DYNC2H1: variants seen among roughly 807,000 people sequenced by gnomAD.
The protein encoded by DYNC2H1 is cytoplasmic dynein 2 heavy chain 1.
Under a neutral mutation model 570.0 loss-of-function variants are expected in DYNC2H1, and 410 were observed. That is an observed-to-expected ratio of 0.72 (90% CI 0.66 to 0.78). DYNC2H1 has a LOEUF of 0.78. Among genes scored for constraint, DYNC2H1 ranks in the 30% least tolerant of loss-of-function variants. The probability of loss-of-function intolerance (pLI) is 0.00; values close to 1 mark genes in which losing one functional copy is unlikely to be tolerated. For missense variants in DYNC2H1, 4,865 were observed against 5,046.4 expected (o/e 0.96, Z 1.09); for synonymous variants, 1,688 against 1,677.6 (o/e 1.01, Z -0.15).
intron 86 of DYNC2H1, 74 bp downstream of exon 86, chr11:103,455,369 C>T: frequency 8.9e-7 from 1 of 1,125,918 alleles, no homozygotes. Context: ...TCCTATTACA[C>T]TGCCCTTGAT....
rs758236375 is a variant in DYNC2H1 at position 103,191,629 on chromosome 11, G to A, written c.7540+10G>A. On this transcript the variant is annotated intron_variant, in intron 46 of 88. Transcript: ENST00000375735. ...TATGATTTAGAAGGAGGTGAGTTTTGCTAGTGTGTATCTTGTGTGTGTGTG... is the reference window on the plus strand; with the variant it reads ...TATGATTTAGAAGGAGGTGAGTTTTACTAGTGTGTATCTTGTGTGTGTGTG... 3 of 1,580,346 alleles carry A rather than the reference G, an allele frequency of 1.9e-6. No homozygotes were observed. Among genetic ancestry groups the A allele is most frequent in the Non-Finnish European group, 1.7e-6 (2 of 1,156,426 alleles).
intron 80 of DYNC2H1, among the ~76,000 whole-genome samples, chr11:103,318,614 T>C (rs1157738886): frequency 6.6e-6 from 1 of 152,142 alleles, no homozygotes; most frequent in Non-Finnish European, 1.5e-5. Flanking sequence ...TATATAGATA[T>C]ATTTCTGTTG....
intron 83 of DYNC2H1, among the ~76,000 whole-genome samples, chr11:103,360,157 G>A (rs992311663): frequency 1.3e-5 from 2 of 151,796 alleles, no homozygotes; most frequent in South Asian, 2.1e-4. Context: ...TTGCTCAAAG[G>A]TTTCATTTTA....
In DYNC2H1 at chr11:103,326,645, A is replaced by G. The variant is rs761943810; in HGVS notation, c.12039+2655A>G. On this transcript the variant is annotated intron_variant, in intron 82 of 88. Coordinates refer to ENST00000375735, the MANE Select transcript of DYNC2H1 (RefSeq NM_001377.3). The surrounding 1 kb of genome is among the most constrained non-coding windows in gnomAD (Gnocchi z 6.1). ...AGTGCCCCTAGGTTACTTGGAAAAT[A>G]CTCAGATAGTGCGGAGCACTCAGGC... Among the ~76,000 whole-genome samples, 2 of 152,118 alleles carry G rather than the reference A, an allele frequency of 1.3e-5. No individual in the cohort carries two copies. Among genetic ancestry groups the G allele is most frequent in the African/African-American group, 2.4e-5 (1 of 41,412 alleles).
Position 103,323,981 on chromosome 11 carries a change from C to A in DYNC2H1, c.12030C>A (p.Ile4010=), listed in dbSNP as rs755670853. The change falls in exon 82 of 89, where the codon ATC becomes ATA. Residue 4010 remains isoleucine (I), a synonymous_variant. Coordinates refer to ENST00000375735, the MANE Select transcript of DYNC2H1 (RefSeq NM_001377.3). The stretch of plus-strand genomic sequence containing the variant: ...TCGCTCGCTCATCTCAGCGCATGAT[C>A]AGTTCTCAGGTAACCTAAAAAAAAG... The part of the protein sequence containing the change: ...ANIARSSQRM[I]SSQVISQLRI... The A allele has an allele frequency of 5.0e-6, 8 of 1,609,750 alleles. 1 individual carries two copies. In the South Asian group the frequency reaches 6.7e-5, roughly 13 times the overall value.
At chr11:103,219,737 G>A (rs2135146852) in intron 55 of DYNC2H1, among the ~76,000 whole-genome samples, 178 bp from the exon 56 acceptor site, 1 of 152,288 alleles carries the variant, frequency 6.6e-6, no homozygotes, top group South Asian at 2.1e-4. Flanking sequence ...AGAAAATATG[G>A]AGTAAAATAT....
intron 82 of DYNC2H1, among the ~76,000 whole-genome samples, chr11:103,344,348 G>T (rs313418): frequency 0.33 from 49,983 of 152,030 alleles, 9,698 homozygotes; most frequent in Non-Finnish European, 0.43. Context: ...TTTTCCTCCA[G>T]TCACTCCCCA....
intron 1 of DYNC2H1, among the ~76,000 whole-genome samples, chr11:103,112,509 G>A (rs186762117): frequency 2.0e-5 from 3 of 152,244 alleles, no homozygotes; most frequent in Admixed American, 2.0e-4. Flanking sequence ...AAGCAGACAT[G>A]TAATACTTTG....
intron 75 of DYNC2H1, among the ~76,000 whole-genome samples, chr11:103,301,839 A>G (rs1033184036): frequency 6.6e-6 from 1 of 151,944 alleles, no homozygotes; most frequent in Non-Finnish European, 1.5e-5. Context: ...AAGGATGTCC[A>G]TATCTGAGGT....
intron 11 of DYNC2H1, 73 bp downstream of exon 11, chr11:103,123,073 T>G (rs951030957): frequency 5.0e-6 from 6 of 1,194,406 alleles, no homozygotes; most frequent in African/African-American, 4.7e-5. Context: ...AGGGAATTAA[T>G]TATCTTTTTC....
At chr11:103,223,244 G>C (rs879929052) in intron 59 of DYNC2H1, among the ~76,000 whole-genome samples, 158 bp downstream of exon 59, 2 of 151,248 alleles carry the variant, frequency 1.3e-5, no homozygotes, top group Admixed American at 1.3e-4. Flanking sequence ...TTTAAAAACA[G>C]ATCAAAAAAA....
intron 83 of DYNC2H1, among the ~76,000 whole-genome samples, chr11:103,398,576 G>A (rs1397530462): frequency 6.6e-6 from 1 of 152,128 alleles, no homozygotes; most frequent in African/African-American, 2.4e-5. Flanking sequence ...AGTAGAATGA[G>A]GAGAAGGGAT....
At chr11:103,166,368 G>C (rs1861302659) in intron 31 of DYNC2H1, among the ~76,000 whole-genome samples, 1 of 151,948 alleles carries the variant, frequency 6.6e-6, no homozygotes, top group African/African-American at 2.4e-5. Context: ...AAAGTTATTT[G>C]AAAAAACTCG....
At chr11:103,169,006 A>G (rs779401648) in intron 32 of DYNC2H1, 46 bp downstream of exon 32, 102 of 1,472,302 alleles carry the variant, frequency 6.9e-5, no homozygotes, top group Non-Finnish European at 9.0e-5. Context: ...GAAATTATTT[A>G]CTGTAAAGAA....
intron 12 of DYNC2H1, among the ~76,000 whole-genome samples, chr11:103,128,204 T>G (rs1859091479): frequency 6.6e-6 from 1 of 152,226 alleles, no homozygotes; most frequent in African/African-American, 2.4e-5. Flanking sequence ...TTGGGATTTT[T>G]GGGTTTTATT....
At position 103,303,130 on chromosome 11, in the gene DYNC2H1, A is replaced by G; in HGVS notation, c.11133A>G (p.Lys3711=). 6.2e-7 allele frequency: 1 copy of G among 1,602,272 alleles called. No homozygotes were observed. Residue 3711 remains lysine (K), a synonymous_variant, in exon 76 of 89, where the codon AAA becomes AAG. Transcript: ENST00000375735. ...KEVSPLPLNL[K]RLYKETLEIE... ...TGTCCCCACTGCCTCTAAATCTCAA[A>G]CGTTTATACAAAGAGACACTGGAAA...
At chr11:103,381,060 T>G (rs1941624343) in intron 83 of DYNC2H1, among the ~76,000 whole-genome samples, 1 of 152,192 alleles carries the variant, frequency 6.6e-6, no homozygotes, top group African/African-American at 2.4e-5. Flanking sequence ...GGAGGTGATA[T>G]AAAAGGTTTG....
chr11:103,362,320 C>CTTTTTTTTTTTTTTTTTTTTTTTTTTT lies in DYNC2H1; in HGVS notation c.12156+3973_12156+3974insTTTTTTTTTTTTTTTTTTTTTTTTTTT, dbSNP rs879453459. Among the ~76,000 whole-genome samples the CTTTTTTTTTTTTTTTTTTTTTTTTTTT allele has an allele frequency of 7.0e-5, 5 of 71,618 alleles. 1 individual carries two copies. The highest frequency in any genetic ancestry group is 1.8e-4 in the Admixed American group (1 of 5,626). 47.0% of individuals were successfully genotyped at this position (71,618 alleles called of 152,430 possible). A position where few individuals can be genotyped will look rare whatever the true frequency, so the allele number is the denominator to read the frequency against. Reference sequence around the variant, plus strand: ...GCTTCTTAAATATATTAATTTTTTTCTTTTTTTTTTTTCTTTTTTTTTTTT... The same window carrying CTTTTTTTTTTTTTTTTTTTTTTTTTTT: ...GCTTCTTAAATATATTAATTTTTTTCTTTTTTTTTTTTTTTTTTTTTTTTTTTTTTTTTTTTTTTCTTTTTTTTTTTT... On this transcript the variant is annotated intron_variant, in intron 83 of 88. Coordinates refer to ENST00000375735, the MANE Select transcript of DYNC2H1 (RefSeq NM_001377.3).
chr11:103,252,069 CA>C lies in DYNC2H1; in HGVS notation c.10043-1215del. ...CCTCCTGAGTATGTTGGACTATAGG[CA>C]CATACCATCATGCCCAGCTAATTAA... On this transcript the variant is annotated intron_variant, in intron 65 of 88. Coordinates refer to ENST00000375735, the MANE Select transcript of DYNC2H1 (RefSeq NM_001377.3). This position sits in a 1 kb window ranked among gnomAD's most constrained non-coding sequence, Gnocchi z 4.6. Among the ~76,000 whole-genome samples, 1 of 151,856 alleles carries C rather than the reference CA, an allele frequency of 6.6e-6. No homozygotes were observed. Among genetic ancestry groups the C allele is most frequent in the South Asian group, 2.1e-4 (1 of 4,802 alleles).
Sources: gnomAD v4.1 joint callset for allele counts (sites outside exome capture counted in the v4.1 genomes callset) on GRCh38, gnomAD v4.1.1 for gene constraint, Gnocchi (gnomAD v3.1) non-coding constraint, MANE v1.5 for transcripts, NCBI Gene and HGNC (gene_info 2026-07-23, HGNC 2026-07-21) for gene names.